Variants in PCDH15 observed in about 807,000 individuals in gnomAD.
PCDH15 encodes the protein protocadherin related 15, also known as protocadherin-15.
In PCDH15, 129 loss-of-function variants were observed where a neutral mutation model predicts 178.5. That is an observed-to-expected ratio of 0.72 (90% CI 0.63 to 0.84). The LOEUF (loss-of-function observed/expected upper bound fraction) is 0.84, where lower values mean the gene tolerates loss of function less well. PCDH15 is among the 40% of genes least tolerant of loss of function. The probability of loss-of-function intolerance (pLI) is 0.00; values close to 1 mark genes in which losing one functional copy is unlikely to be tolerated. For synonymous variants in PCDH15, 800 were observed against 732.0 expected, an observed-to-expected ratio of 1.09 and a Z score of -1.50; for missense variants, 2,230 against 2,099.9, an observed-to-expected ratio of 1.06 and a Z score of -1.21.
At chr10:54,142,317 A>C (rs1311437101) in intron 14 of PCDH15, among the ~76,000 whole-genome samples, 1 of 152,184 alleles carries the variant, frequency 6.6e-6, no homozygotes, top group Non-Finnish European at 1.5e-5. Flanking sequence ...AGTCTGAAGA[A>C]AGCACTGACT....
chr10:55,347,414 C>A (rs1337870665), intron 2 of PCDH15, among the ~76,000 whole-genome samples: 1 of 152,034 alleles, frequency 6.6e-6, no homozygotes, highest in Admixed American at 6.6e-5. Context: ...ACATTAAAGC[C>A]TCCTGAAACA....
chr10:54,866,786 G>A (rs919519350), intron 3 of PCDH15, among the ~76,000 whole-genome samples: 2 of 147,902 alleles, frequency 1.4e-5, no homozygotes, highest in East Asian at 2.1e-4. Context: ...ATAGACAGTA[G>A]GTTGGTGGTA....
chr10:54,377,778 T>C (rs1948661232), intron 4 of PCDH15, among the ~76,000 whole-genome samples: 1 of 152,134 alleles, frequency 6.6e-6, no homozygotes, highest in South Asian at 2.1e-4. Context: ...TTACTGATTA[T>C]AATCCACTAC....
intron 2 of PCDH15, among the ~76,000 whole-genome samples, chr10:54,532,888 C>T (rs1447660579): frequency 6.6e-6 from 1 of 152,018 alleles, no homozygotes; most frequent in African/African-American, 2.4e-5. Flanking sequence ...GATGTACATG[C>T]TAGGTTCATT....
intron 2 of PCDH15, among the ~76,000 whole-genome samples, chr10:54,942,530 G>C (rs547469120): frequency 6.6e-6 from 1 of 151,868 alleles, no homozygotes; most frequent in African/African-American, 2.4e-5. Context: ...TTTATGTAAT[G>C]TAATGCTTTG....
In PCDH15 at chr10:55,222,563, G is replaced by A. The variant is rs183986378; in HGVS notation, c.-155-55912C>T. ...CATTGTTTATTTTCTTTTTCTTAAC[G>A]TGCCAGCTGGAGAACTACTAATGTA... is the stretch of plus-strand genomic sequence containing the variant. On this transcript the variant is annotated intron_variant, in intron 1 of 5. Coordinates refer to the PCDH15 transcript ENST00000458638. Among the ~76,000 whole-genome samples the A allele has an allele frequency of 2.9e-4, 44 of 150,966 alleles. 1 individual carries two copies. In the East Asian group the frequency reaches 7.2e-3, roughly 25 times the overall value.
intron 1 of PCDH15, among the ~76,000 whole-genome samples, chr10:54,683,364 CT>C (rs2094934517): frequency 6.6e-6 from 1 of 152,018 alleles, no homozygotes; most frequent in African/African-American, 2.4e-5. Flanking sequence ...CTCCCCGCCC[CT>C]GGTAACCATT....
At chr10:54,779,610 G>A (rs970863141) in intron 1 of PCDH15, among the ~76,000 whole-genome samples, 2 of 149,472 alleles carry the variant, frequency 1.3e-5, no homozygotes, top group Non-Finnish European at 3.0e-5. Context: ...CTCCGGGCTG[G>A]TATGTAAATC....
chr10:53,858,646 G>C (rs1167214835), intron 27 of PCDH15, among the ~76,000 whole-genome samples: 1 of 152,130 alleles, frequency 6.6e-6, no homozygotes, highest in African/African-American at 2.4e-5. Flanking sequence ...ACAGGAGTAG[G>C]TCTGATTATT....
At chr10:54,860,869 G>A (rs977671916) in intron 3 of PCDH15, among the ~76,000 whole-genome samples, 1 of 152,164 alleles carries the variant, frequency 6.6e-6, no homozygotes, top group South Asian at 2.1e-4. Flanking sequence ...AGAGGTAACT[G>A]AGTGTCCTAG....
At chr10:54,019,042 T>C (rs549805968) in intron 20 of PCDH15, among the ~76,000 whole-genome samples, 2 of 152,238 alleles carry the variant, frequency 1.3e-5, no homozygotes, top group Admixed American at 1.3e-4. Flanking sequence ...TCATTTATCT[T>C]ATAGATCTTC....
intron 1 of PCDH15, among the ~76,000 whole-genome samples, chr10:54,721,431 T>G (rs1287555490): frequency 6.6e-6 from 1 of 151,728 alleles, no homozygotes; most frequent in Non-Finnish European, 1.5e-5. Context: ...AAAGGACCAA[T>G]TAACAGCTAG....
chr10:54,566,288 C>T (rs1356998645), intron 2 of PCDH15, among the ~76,000 whole-genome samples: 1 of 152,066 alleles, frequency 6.6e-6, no homozygotes, highest in Admixed American at 6.6e-5. Flanking sequence ...TTATCAGCAT[C>T]CCCCACCAAC....
chr10:54,921,346 T>C (rs1054730258), intron 2 of PCDH15, among the ~76,000 whole-genome samples: 1 of 152,158 alleles, frequency 6.6e-6, no homozygotes, highest in Non-Finnish European at 1.5e-5. Context: ...TTTTAACTTT[T>C]AAGTTCAGGG....
chr10:55,538,202 T>TTAAG (rs1385721476), intron 2 of PCDH15, among the ~76,000 whole-genome samples: 1 of 152,186 alleles, frequency 6.6e-6, no homozygotes, highest in East Asian at 1.9e-4. Flanking sequence ...AACTTCTAAG[T>TTAAG]TAAGTCACAA....
At chr10:54,411,618 A>T (rs1352989723) in intron 3 of PCDH15, among the ~76,000 whole-genome samples, 2 of 152,154 alleles carry the variant, frequency 1.3e-5, no homozygotes, top group African/African-American at 2.4e-5. Context: ...TGACTAGAAA[A>T]TAGTAAACAC....
chr10:54,375,926 A>G (rs1948360151), intron 4 of PCDH15, among the ~76,000 whole-genome samples: 1 of 148,178 alleles, frequency 6.7e-6, no homozygotes, highest in Admixed American at 6.9e-5. Context: ...ACGGAGTCAC[A>G]CTCTGTCACA....
At chr10:54,119,636 A>G (rs1407091259) in intron 15 of PCDH15, among the ~76,000 whole-genome samples, 1 of 152,166 alleles carries the variant, frequency 6.6e-6, no homozygotes, top group Non-Finnish European at 1.5e-5. Flanking sequence ...CAGAAACAAG[A>G]AATCAAGAGA....
chr10:53,957,567 T>C (rs1218938706), intron 23 of PCDH15, among the ~76,000 whole-genome samples: 1 of 149,116 alleles, frequency 6.7e-6, no homozygotes, highest in Non-Finnish European at 1.5e-5. Flanking sequence ...CTGGATACAA[T>C]GGACAAAGGA....
Sources: gnomAD v4.1 joint callset for allele counts (sites outside exome capture counted in the v4.1 genomes callset) on GRCh38, gnomAD v4.1.1 for gene constraint, MANE v1.5 for transcripts, NCBI Gene and HGNC (gene_info 2026-07-23, HGNC 2026-07-21) for gene names.